Variants in REC114 observed in about 807,000 individuals in gnomAD.
REC114 encodes meiotic recombination protein REC114.
In REC114, 27 loss-of-function variants were observed where a neutral mutation model predicts 31.3. That is an observed-to-expected ratio of 0.86 (90% CI 0.64 to 1.19). The LOEUF is 1.19. REC114 is among the 50% of genes most tolerant of loss of function. REC114 has a pLI of 0.00. For synonymous variants in REC114, 134 were observed against 127.7 expected (o/e 1.05, Z -0.33); for missense variants, 344 against 326.9 (o/e 1.05, Z -0.40).
At chr15:73,465,510 T>C (rs546371434) in intron 1 of REC114, among the ~76,000 whole-genome samples, 1 of 152,212 alleles carries the variant, frequency 6.6e-6, no homozygotes, top group South Asian at 2.1e-4. Flanking sequence ...GTAACATCTG[T>C]GTCCTGTCTT....
intron 1 of REC114, among the ~76,000 whole-genome samples, chr15:73,455,939 T>C (rs185386023): frequency 5.3e-5 from 8 of 152,212 alleles, no homozygotes; most frequent in Non-Finnish European, 1.2e-4. Flanking sequence ...GACCACACTT[T>C]GAGAGGCAGG....
At chr15:73,496,606 T>G (rs1893530009) in intron 2 of REC114, among the ~76,000 whole-genome samples, 2 of 143,282 alleles carry the variant, frequency 1.4e-5, no homozygotes, top group Admixed American at 7.3e-5. Flanking sequence ...TGAGCTGAGA[T>G]CACGCAACTG....
At chr15:73,476,172 C>T (rs1893211649) in intron 2 of REC114, among the ~76,000 whole-genome samples, 1 of 152,160 alleles carries the variant, frequency 6.6e-6, no homozygotes. Context: ...TGTTAAGTGA[C>T]ATATGACTAT....
At chr15:73,548,144 C>T (rs1441459838) in intron 3 of REC114, among the ~76,000 whole-genome samples, 1 of 152,028 alleles carries the variant, frequency 6.6e-6, no homozygotes, top group Non-Finnish European at 1.5e-5. Context: ...TGGAGTCTTG[C>T]TGTTGCCAGG....
rs191775350 is a variant in REC114 at position 73,522,689 on chromosome 15, T to G, written c.250-17796T>G. Among the ~76,000 whole-genome samples the G allele has an allele frequency of 5.6e-3, 850 of 152,334 alleles. 6 individuals carry two copies. Among genetic ancestry groups the G allele is most frequent in the African/African-American group, 0.019 (810 of 41,584 alleles). On this transcript the variant is annotated intron_variant, in intron 2 of 5. Coordinates refer to ENST00000331090, the MANE Select transcript of REC114 (RefSeq NM_001042367.2). ...AAATTGTTTATCCAATACATATTCA[T>G]GGACATTAGAGTTTCTTCTAGTTTT...
chr15:73,554,153 T>C (rs938427493), intron 4 of REC114, among the ~76,000 whole-genome samples: 1 of 152,224 alleles, frequency 6.6e-6, no homozygotes, highest in African/African-American at 2.4e-5. Context: ...GAGGGCATGA[T>C]AAGACAGTGT....
chr15:73,472,227 G>T (rs1237238169), intron 1 of REC114, among the ~76,000 whole-genome samples: 1 of 152,174 alleles, frequency 6.6e-6, no homozygotes, highest in Non-Finnish European at 1.5e-5. Context: ...TATGCTTCTG[G>T]TTCTAACTAG....
chr15:73,513,553 G>GT (rs1247519789), intron 2 of REC114, among the ~76,000 whole-genome samples: 11 of 150,094 alleles, frequency 7.3e-5, no homozygotes, highest in African/African-American at 2.4e-4. Context: ...TTTCTGTTCT[G>GT]TTTTTTCCCC....
intron 1 of REC114, among the ~76,000 whole-genome samples, chr15:73,460,066 A>G (rs186667011): frequency 3.9e-5 from 6 of 152,116 alleles, no homozygotes; most frequent in Non-Finnish European, 5.9e-5. Flanking sequence ...TTTTTTTTCT[A>G]TGACAAAATT....
At chr15:73,511,528 G>T (rs1329500514) in intron 2 of REC114, among the ~76,000 whole-genome samples, 1 of 151,006 alleles carries the variant, frequency 6.6e-6, no homozygotes, top group Non-Finnish European at 1.5e-5. Context: ...TCTTTTAATT[G>T]TGATGTTAGG....
At chr15:73,491,724 C>A (rs535554474) in intron 2 of REC114, among the ~76,000 whole-genome samples, 2 of 152,034 alleles carry the variant, frequency 1.3e-5, no homozygotes, top group African/African-American at 4.8e-5. Context: ...ATAGTGAAAC[C>A]TTGTCTCTAC....
intron 1 of REC114, among the ~76,000 whole-genome samples, chr15:73,451,833 A>C (rs1447070121): frequency 6.6e-6 from 1 of 152,194 alleles, no homozygotes; most frequent in African/African-American, 2.4e-5. Context: ...TTCAATGTAC[A>C]CAAATCAATA....
chr15:73,475,907 A>T (rs547864909), intron 2 of REC114, among the ~76,000 whole-genome samples: 1 of 152,316 alleles, frequency 6.6e-6, no homozygotes, highest in Admixed American at 6.5e-5. Context: ...TAAGTGCCCT[A>T]TACAGGTGTA....
At chr15:73,551,223 TG>T in intron 4 of REC114, 73 bp downstream of exon 4, 5 of 1,387,866 alleles carry the variant, frequency 3.6e-6, no homozygotes, top group Non-Finnish European at 5.0e-6. Context: ...AAAATGACAG[TG>T]GAGTTTGTCA....
Position 73,550,955 on chromosome 15 carries a change from T to G in REC114, c.351T>G (p.Phe117Leu). ...TCAAACAGGACAAGAGTCGCCTGTT[T>G]CGAGTACAGTTCAGTGGAGAGTCAA... Reference protein sequence around the residue: ...GTTIKDKSRLFRVQFSGESKE... With the variant: ...GTTIKDKSRLLRVQFSGESKE... The change falls in exon 4 of 6, where the codon TTT becomes TTG. Residue 117 changes from phenylalanine to leucine, a missense_variant. Transcript: ENST00000331090. The G allele has an allele frequency of 6.2e-7, 1 of 1,613,872 alleles. No homozygotes were observed. The highest frequency in any genetic ancestry group is 1.1e-5 in the South Asian group (1 of 91,078).
chr15:73,485,318 G>A (rs1347654285), intron 2 of REC114, among the ~76,000 whole-genome samples: 3 of 152,102 alleles, frequency 2.0e-5, no homozygotes, highest in East Asian at 1.9e-4. Context: ...TCTTGACCTC[G>A]TGATCTGCCT....
rs79474150 is a variant in REC114 at position 73,520,207 on chromosome 15, G to A, written c.250-20278G>A. 9.2e-3 allele frequency among the ~76,000 whole-genome samples: 1,397 copies of A among 151,792 alleles called. 20 individuals are homozygous for A. Among genetic ancestry groups the A allele is most frequent in the African/African-American group, 0.032 (1,313 of 41,374 alleles). Reference sequence around the variant, plus strand: ...AATAGATGGTCCTTATGGACTAATTGTATCTCTTTTTTTTTTCGTTTTGGG... The same window carrying A: ...AATAGATGGTCCTTATGGACTAATTATATCTCTTTTTTTTTTCGTTTTGGG... On this transcript the variant is annotated intron_variant, in intron 2 of 5. Transcript: ENST00000331090.
chr15:73,463,229 C>T (rs1595861627), intron 1 of REC114, among the ~76,000 whole-genome samples: 1 of 152,248 alleles, frequency 6.6e-6, no homozygotes, highest in East Asian at 1.9e-4. Context: ...TCTCTCTCTT[C>T]CTTGCGGTTT....
chr15:73,502,945 A>C (rs1893622144), intron 2 of REC114, among the ~76,000 whole-genome samples: 1 of 152,248 alleles, frequency 6.6e-6, no homozygotes, highest in Non-Finnish European at 1.5e-5. Flanking sequence ...GATTAGCGAA[A>C]TACAGATTAA....
Sources: gnomAD v4.1 joint callset for allele counts (sites outside exome capture counted in the v4.1 genomes callset) on GRCh38, gnomAD v4.1.1 for gene constraint, MANE v1.5 for transcripts, NCBI Gene and HGNC (gene_info 2026-07-23, HGNC 2026-07-21) for gene names.